The following FAM83D variants were observed in gnomAD, a reference collection of about 807,000 sequenced individuals.
The protein encoded by FAM83D is scaffolding CK1 anchoring protein D.
Under a neutral mutation model 25.4 loss-of-function variants are expected in FAM83D, and 26 were observed. That is an observed-to-expected ratio of 1.02 (90% confidence interval 0.75 to 1.42). The LOEUF (loss-of-function observed/expected upper bound fraction) is 1.42, where lower values mean the gene tolerates loss of function less well. Among genes scored for constraint, FAM83D ranks in the 40% most tolerant of loss-of-function variants. FAM83D has a pLI of 0.00. For missense variants in FAM83D, 740 were observed against 758.1 expected (o/e 0.98, Z 0.28); for synonymous variants, 310 against 318.5 (o/e 0.97, Z 0.28).
At chr20:38,930,810 G>A (rs1670663515) in intron 1 of FAM83D, among the ~76,000 whole-genome samples, 1 of 152,158 alleles carries the variant, frequency 6.6e-6, no homozygotes, top group East Asian at 1.9e-4. Flanking sequence ...ACTAATTTTT[G>A]TATTTTTAGT....
intron 1 of FAM83D, among the ~76,000 whole-genome samples, chr20:38,929,643 T>G (rs1182464580): frequency 1.5e-4 from 23 of 150,554 alleles, no homozygotes. Context: ...CAGGCCATGG[T>G]ATCATGTGCC....
At chr20:38,940,963 A>G (rs2085699537) in intron 1 of FAM83D, among the ~76,000 whole-genome samples, 1 of 152,212 alleles carries the variant, frequency 6.6e-6, no homozygotes, top group Non-Finnish European at 1.5e-5. Context: ...CCTATTTTGC[A>G]GCTAAGGAAA....
intron 2 of FAM83D, among the ~76,000 whole-genome samples, chr20:38,944,615 G>A (rs1429919683): frequency 1.3e-5 from 2 of 152,138 alleles, no homozygotes; most frequent in Non-Finnish European, 2.9e-5. Context: ...GCCTTCATAG[G>A]TGTCCAGATC....
intron 1 of FAM83D, among the ~76,000 whole-genome samples, chr20:38,938,703 C>T (rs909990480): frequency 6.6e-6 from 1 of 152,218 alleles, no homozygotes; most frequent in African/African-American, 2.4e-5. Flanking sequence ...TCCCTGTCAT[C>T]CTCAGCCCAT....
intron 1 of FAM83D, among the ~76,000 whole-genome samples, chr20:38,929,181 A>G (rs1479902742): frequency 9.3e-6 from 1 of 107,736 alleles, no homozygotes; most frequent in African/African-American, 3.6e-5. Flanking sequence ...CCCTCTCGGA[A>G]AAAAAAAAAA....
In FAM83D at chr20:38,926,574, C is replaced by G. The variant is rs1215303832; in HGVS notation, c.132C>G (p.Pro44=). 6.4e-7 allele frequency: 1 copy of G among 1,559,674 alleles called. No individual in the cohort carries two copies. Among genetic ancestry groups the G allele is most frequent in the African/African-American group, 1.4e-5 (1 of 73,674 alleles). The change falls in exon 1 of 4, where the codon CCC becomes CCG. Residue 44 remains proline, a synonymous_variant. Transcript: ENST00000619850. Reference sequence around the variant, plus strand: ...TGGAGGAGCTGGTGGCGGGCGGCCCCGAAGCCTTCGCGGCCTTCCTGCGAC... The same window carrying G: ...TGGAGGAGCTGGTGGCGGGCGGCCCGGAAGCCTTCGCGGCCTTCCTGCGAC... The part of the protein sequence containing the change: ...LALEELVAGG[P]EAFAAFLRRE...
chr20:38,951,580 T>C lies in FAM83D; in HGVS notation c.818T>C (p.Val273Ala). 4 of 1,614,074 alleles carry C rather than the reference T, an allele frequency of 2.5e-6. No individual in the cohort carries two copies. The highest frequency in any genetic ancestry group is 3.4e-6 in the Non-Finnish European group (4 of 1,180,002). Residue 273 changes from valine (V) to alanine (A), a missense_variant, in exon 4 of 4, where the codon GTA (valine) becomes GCA (alanine). Transcript: ENST00000619850. ...TDGKLNSSNLVILSGQVVEHF... is the reference protein window; with the variant it reads ...TDGKLNSSNLAILSGQVVEHF... ...GGCAAATTAAACAGCAGTAACTTGGTAATTCTGTCTGGCCAAGTGGTTGAA... is the reference window on the plus strand; with the variant it reads ...GGCAAATTAAACAGCAGTAACTTGGCAATTCTGTCTGGCCAAGTGGTTGAA...
At chr20:38,930,584 G>A (rs2085654840) in intron 1 of FAM83D, among the ~76,000 whole-genome samples, 1 of 152,052 alleles carries the variant, frequency 6.6e-6, no homozygotes, top group African/African-American at 2.4e-5. Flanking sequence ...GGATTCAAGT[G>A]ACTCTCCTGA....
intron 1 of FAM83D, among the ~76,000 whole-genome samples, chr20:38,932,189 C>T (rs2085661343): frequency 6.6e-6 from 1 of 152,116 alleles, no homozygotes; most frequent in South Asian, 2.1e-4. Flanking sequence ...AGTTTGAGAC[C>T]AGCCTGGGCA....
chr20:38,941,070 G>A (rs769948624), intron 1 of FAM83D, among the ~76,000 whole-genome samples: 6 of 152,220 alleles, frequency 3.9e-5, no homozygotes, highest in Non-Finnish European at 8.8e-5. Flanking sequence ...TCACTTGGGA[G>A]GCATGAATGG....
In FAM83D at chr20:38,926,572, C is replaced by T; in HGVS notation, c.130C>T (p.Pro44Ser). The T allele has an allele frequency of 6.4e-7, 1 of 1,562,664 alleles. No individual in the cohort carries two copies. The highest frequency in any genetic ancestry group is 8.6e-7 in the Non-Finnish European group (1 of 1,161,266). Reference protein sequence around the residue: ...LALEELVAGGPEAFAAFLRRE... With the variant: ...LALEELVAGGSEAFAAFLRRE... Reference sequence around the variant, plus strand: ...TCTGGAGGAGCTGGTGGCGGGCGGCCCCGAAGCCTTCGCGGCCTTCCTGCG... The same window carrying T: ...TCTGGAGGAGCTGGTGGCGGGCGGCTCCGAAGCCTTCGCGGCCTTCCTGCG... The change falls in exon 1 of 4, where the codon CCC (proline) becomes TCC (serine). Residue 44 changes from proline (P) to serine (S), a missense_variant. Physicochemically the swap from Pro to Ser is moderately conservative, Grantham distance 74. Transcript: ENST00000619850.
intron 1 of FAM83D, among the ~76,000 whole-genome samples, chr20:38,936,908 G>A (rs574701971): frequency 6.6e-6 from 1 of 152,176 alleles, no homozygotes; most frequent in Non-Finnish European, 1.5e-5. Context: ...CCATCATGAC[G>A]TCTGCTGTTC....
At position 38,952,368 on chromosome 20, in the gene FAM83D, G is replaced by A. The variant is rs780749747; in HGVS notation, c.1606G>A (p.Ala536Thr). 7 of 1,614,028 alleles carry A rather than the reference G, an allele frequency of 4.3e-6. 1 individual carries two copies. The highest frequency in any genetic ancestry group is 2.2e-5 in the East Asian group (1 of 44,890). ...GAACAAAGAGCGGCAATTCCACTTC[G>A]CTGGTATCAGGTCCCGGCTCAACCA... ...NLNKERQFHF[A>T]GIRSRLNHML... Residue 536 changes from alanine to threonine, a missense_variant, in exon 4 of 4, where the codon GCT (alanine) becomes ACT (threonine). Around this residue, in one of 3 missense-constraint regions of FAM83D, gnomAD observed 375 missense variants for 403.2 expected, o/e 0.93. Transcript: ENST00000619850.
rs78927920 is a variant in FAM83D at position 38,951,673 on chromosome 20, A to G, written c.911A>G (p.His304Arg). Reference protein sequence around the residue: ...SKPISPKLLSHFQSSNKFDHL... With the variant: ...SKPISPKLLSRFQSSNKFDHL... ...CCCATCAGCCCCAAACTCCTGTCTC[A>G]CTTCCAGAGCAGCAACAAGTTTGAT... The change falls in exon 4 of 4, where the codon CAC becomes CGC. Residue 304 changes from histidine to arginine, a missense_variant. Around this residue, in one of 3 missense-constraint regions of FAM83D, gnomAD observed 375 missense variants for 403.2 expected, o/e 0.93. Coordinates refer to ENST00000619850, the MANE Select transcript of FAM83D (RefSeq NM_030919.3). The G allele has an allele frequency of 1.7e-3, 2,680 of 1,614,136 alleles. 35 individuals are homozygous for G. The African/African-American group carries it at 0.031, about 19-fold the overall frequency.
chr20:38,941,573 A>G (rs2085702128), intron 1 of FAM83D, among the ~76,000 whole-genome samples: 1 of 152,256 alleles, frequency 6.6e-6, no homozygotes. Context: ...CAAAGATGAC[A>G]GTGTGTTACC....
chr20:38,933,619 T>G (rs981933825), intron 1 of FAM83D, among the ~76,000 whole-genome samples: 1 of 152,204 alleles, frequency 6.6e-6, no homozygotes, highest in African/African-American at 2.4e-5. Flanking sequence ...ATTTAGCCAT[T>G]TCTCTTTAAA....
At chr20:38,941,284 G>A (rs2085700878) in intron 1 of FAM83D, among the ~76,000 whole-genome samples, 1 of 152,128 alleles carries the variant, frequency 6.6e-6, no homozygotes, top group Non-Finnish European at 1.5e-5. Flanking sequence ...AGGCCTGGCT[G>A]GTAGAAAGAA....
At chr20:38,941,511 T>C (rs1022660405) in intron 1 of FAM83D, among the ~76,000 whole-genome samples, 3 of 152,196 alleles carry the variant, frequency 2.0e-5, no homozygotes, top group African/African-American at 7.2e-5. Flanking sequence ...TGAGGTTTTA[T>C]TTACTTGTTT....
intron 2 of FAM83D, among the ~76,000 whole-genome samples, chr20:38,943,793 C>G (rs954178415): frequency 6.6e-6 from 1 of 152,026 alleles, no homozygotes; most frequent in African/African-American, 2.4e-5. Flanking sequence ...CGGGTTCAAG[C>G]GATTCTTCTG....
Sources: gnomAD v4.1 joint callset for allele counts (sites outside exome capture counted in the v4.1 genomes callset) on GRCh38, gnomAD v4.1.1 for gene constraint, gnomAD v4.1.1 regional missense constraint, MANE v1.5 for transcripts, NCBI Gene and HGNC (gene_info 2026-07-23, HGNC 2026-07-21) for gene names.